The following SMPX variants were observed in gnomAD, a reference collection of about 807,000 sequenced individuals.
SMPX encodes small muscle protein X-linked.
Under a neutral mutation model 6.3 loss-of-function variants are expected in SMPX, and 2 were observed. The observed-to-expected ratio is 0.32, with a 90% CI of 0.13 to 0.99. The LOEUF (loss-of-function observed/expected upper bound fraction) is 0.99, where lower values mean the gene tolerates loss of function less well. Among genes scored for constraint, SMPX ranks in the 50% least tolerant of loss-of-function variants. The probability of loss-of-function intolerance (pLI) is 0.49; values close to 1 mark genes in which losing one functional copy is unlikely to be tolerated. For missense variants in SMPX, 60 were observed against 66.8 expected (o/e 0.90, Z 0.36); for synonymous variants, 32 against 24.7 (o/e 1.30, Z -0.88).
At chrX:21,710,250 T>C (rs1188476842) in intron 4 of SMPX, among the ~76,000 whole-genome samples, 1 of 112,276 alleles carries the variant, frequency 8.9e-6, no homozygotes, top group African/African-American at 3.2e-5. Context: ...ATAATGTCTT[T>C]TGCAGCAACT....
At chrX:21,716,918 CT>C (rs1291239342) in intron 4 of SMPX, among the ~76,000 whole-genome samples, 6 of 111,885 alleles carry the variant, frequency 5.4e-5, no homozygotes, top group South Asian at 3.7e-4. Context: ...CAATGTAAAT[CT>C]TTTTTTCTTT....
At chrX:21,731,669 T>A (rs780159299) in intron 4 of SMPX, among the ~76,000 whole-genome samples, 1 of 96,212 alleles carries the variant, frequency 1.0e-5, no homozygotes, top group African/African-American at 3.8e-5. Context: ...TATGTGTATG[T>A]GTACACATTA....
At chrX:21,712,381 T>A (rs2092779743) in intron 4 of SMPX, among the ~76,000 whole-genome samples, 1 of 112,271 alleles carries the variant, frequency 8.9e-6, no homozygotes, top group Admixed American at 9.4e-5. Flanking sequence ...TAGCGTTAAG[T>A]GCAGGACCGG....
chrX:21,711,181 T>C (rs146064807), intron 4 of SMPX, among the ~76,000 whole-genome samples: 2,301 of 111,899 alleles, frequency 0.021, 20 homozygotes, highest in Non-Finnish European at 0.034. Flanking sequence ...ATACAAAAAT[T>C]CGGGAATCCA....
At chrX:21,731,830 TTATATA>T (rs59393701) in intron 4 of SMPX, among the ~76,000 whole-genome samples, 2,917 of 99,006 alleles carry the variant, frequency 0.029, 104 homozygotes, top group African/African-American at 0.1. Flanking sequence ...TATATACACA[TTATATA>T]TATATATATA....
intron 2 of SMPX, among the ~76,000 whole-genome samples, chrX:21,750,045 G>A (rs932338701): frequency 1.8e-5 from 2 of 111,914 alleles, no homozygotes; most frequent in African/African-American, 6.5e-5. Flanking sequence ...GTGAATTGGG[G>A]CCCTAAGGAG....
chrX:21,757,759 A>G (rs2092834438), intron 1 of SMPX, among the ~76,000 whole-genome samples, 183 bp downstream of exon 1: 1 of 111,359 alleles, frequency 9.0e-6, no homozygotes, highest in Admixed American at 9.6e-5. Context: ...ATATTCTTTC[A>G]GCACCCTCAC....
intron 4 of SMPX, among the ~76,000 whole-genome samples, chrX:21,713,819 T>G (rs1200326359): frequency 8.9e-6 from 1 of 112,230 alleles, no homozygotes; most frequent in African/African-American, 3.2e-5. Flanking sequence ...CACAGAAATA[T>G]ACCTGTAGTG....
At chrX:21,715,135 G>T (rs2092782826) in intron 4 of SMPX, among the ~76,000 whole-genome samples, 1 of 111,288 alleles carries the variant, frequency 9.0e-6, no homozygotes, top group Non-Finnish European at 1.9e-5. Flanking sequence ...ATCATCAAAT[G>T]ATTTAATTTT....
intron 4 of SMPX, among the ~76,000 whole-genome samples, chrX:21,709,201 G>A (rs1383692879): frequency 2.7e-5 from 3 of 111,852 alleles, no homozygotes; most frequent in Non-Finnish European, 5.6e-5. Flanking sequence ...TCATCCTGGG[G>A]TATCAGGATC....
chrX:21,752,789 T>A (rs1214405455), intron 2 of SMPX, among the ~76,000 whole-genome samples: 1 of 111,692 alleles, frequency 9.0e-6, no homozygotes, highest in African/African-American at 3.3e-5. Flanking sequence ...AGTGCTGGGA[T>A]TACAGGCATG....
chrX:21,728,521 A>G (rs2092799975), intron 4 of SMPX, among the ~76,000 whole-genome samples: 3 of 112,206 alleles, frequency 2.7e-5, no homozygotes, highest in Admixed American at 9.5e-5. Flanking sequence ...ACAAAGGAAC[A>G]CATCAACCAA....
In SMPX at chrX:21,706,212, G is replaced by T. The variant is rs1307318857; in HGVS notation, c.*197C>A. Reference sequence around the variant, plus strand: ...TTTATGGGCTAATTTGTTCTGTGAGGTGCCAAAAATGAAGATAAAGTAAGA... The same window carrying T: ...TTTATGGGCTAATTTGTTCTGTGAGTTGCCAAAAATGAAGATAAAGTAAGA... On this transcript the variant is annotated 3_prime_UTR_variant, in exon 5 of 5. Transcript: ENST00000379494. 3.5e-5 allele frequency: 18 copies of T among 507,411 alleles called. No homozygotes were observed. Among genetic ancestry groups the T allele is most frequent in the Non-Finnish European group, 4.2e-5 (12 of 283,932 alleles). The allele number at this position is 507,411 out of a possible 1,213,427, so 41.8% of individuals were successfully genotyped here. A position where few individuals can be genotyped will look rare whatever the true frequency, so the allele number is the denominator to read the frequency against.
chrX:21,724,773 C>A (rs1362367270), intron 4 of SMPX, among the ~76,000 whole-genome samples: 1 of 112,085 alleles, frequency 8.9e-6, no homozygotes, highest in Non-Finnish European at 1.9e-5. Context: ...AACCCACAAT[C>A]TTCCACCCTT....
At chrX:21,756,514 C>T (rs2092833126) in intron 1 of SMPX, among the ~76,000 whole-genome samples, 1 of 112,380 alleles carries the variant, frequency 8.9e-6, no homozygotes, top group African/African-American at 3.2e-5. Context: ...TCTCATTCCT[C>T]ACAAACAGGC....
At chrX:21,732,990 A>ATC (rs771632459) in intron 4 of SMPX, among the ~76,000 whole-genome samples, 1 of 111,769 alleles carries the variant, frequency 8.9e-6, no homozygotes, top group East Asian at 2.8e-4. Flanking sequence ...TGACATCCTC[A>ATC]TCTCTGACTT....
chrX:21,748,207 C>T (rs1045894392), intron 2 of SMPX, among the ~76,000 whole-genome samples: 1 of 111,965 alleles, frequency 8.9e-6, no homozygotes, highest in African/African-American at 3.2e-5. Flanking sequence ...TGCATAACTG[C>T]TTAGGGGTTG....
rs1473774418 is a variant in SMPX at position 21,706,156 on chromosome X, C to T, written c.*253G>A. ...TATCATTCTCCATAAAATCATATCCCTCCTCAAAACCACACCCTCCAGGTG... is the reference window on the plus strand; with the variant it reads ...TATCATTCTCCATAAAATCATATCCTTCCTCAAAACCACACCCTCCAGGTG... On this transcript the variant is annotated 3_prime_UTR_variant, in exon 5 of 5. Transcript: ENST00000379494. The T allele has an allele frequency of 2.0e-6, 1 of 512,352 alleles. No homozygotes were observed. The highest frequency in any genetic ancestry group is 3.6e-5 in the East Asian group (1 of 27,656). The allele number at this position is 512,352 out of a possible 1,213,427, so 42.2% of individuals were successfully genotyped here. A position where few individuals can be genotyped will look rare whatever the true frequency, so the allele number is the denominator to read the frequency against.
intron 1 of SMPX, among the ~76,000 whole-genome samples, chrX:21,755,832 T>G (rs34436292): frequency 0.18 from 19,932 of 111,609 alleles, 2,676 homozygotes; most frequent in African/African-American, 0.47. Context: ...AACATATAGA[T>G]TTAGCCTCCA....
Sources: allele counts gnomAD v4.1 joint callset (sites outside exome capture counted in the v4.1 genomes callset), GRCh38; gene constraint gnomAD v4.1.1; transcripts MANE v1.5; gene names NCBI Gene and HGNC (gene_info 2026-07-23, HGNC 2026-07-21).